PDE4D: variants seen among roughly 807,000 people sequenced by gnomAD.
The protein encoded by PDE4D is phosphodiesterase 4D.
A neutral mutation model predicts 87.4 loss-of-function variants in PDE4D; 24 were observed. The ratio of observed to expected loss-of-function variants is 0.27; its 90% CI spans 0.20 to 0.39. The LOEUF (loss-of-function observed/expected upper bound fraction) is 0.39. Ranked by LOEUF, PDE4D falls within the 10% of genes least tolerant of loss-of-function variation. The pLI, the probability that PDE4D is intolerant of heterozygous loss-of-function variation, is 1.00. For missense variants in PDE4D, 714 were observed against 1,041.0 expected, an observed-to-expected ratio of 0.69 and a Z score of 4.32; for synonymous variants, 384 against 383.2, an observed-to-expected ratio of 1.00 and a Z score of -0.02.
chr5:59,875,753 A>C (rs920552404), intron 1 of PDE4D, among the ~76,000 whole-genome samples: 2 of 152,178 alleles, frequency 1.3e-5, no homozygotes, highest in African/African-American at 4.8e-5. Flanking sequence ...TGAACTTTGG[A>C]GTCATAAAAA....
chr5:59,571,158 G>T (rs912100363), intron 1 of PDE4D, among the ~76,000 whole-genome samples: 2 of 152,134 alleles, frequency 1.3e-5, no homozygotes, highest in African/African-American at 2.4e-5. Context: ...TAGACATAGA[G>T]GTTTTTAAAC....
chr5:60,385,856 C>G (rs1425136915), intron 1 of PDE4D, among the ~76,000 whole-genome samples: 5 of 152,140 alleles, frequency 3.3e-5, no homozygotes, highest in Admixed American at 3.3e-4. Context: ...ATCTCTTTCT[C>G]TCTCAAGAGC....
At chr5:59,762,668 G>A (rs36143327) in intron 1 of PDE4D, among the ~76,000 whole-genome samples, 41,968 of 109,276 alleles carry the variant, frequency 0.38, 10,304 homozygotes, top group African/African-American at 0.43. Context: ...ATATAGGTAC[G>A]TATGTGTATA....
chr5:59,863,465 C>T (rs1416349124), intron 1 of PDE4D, among the ~76,000 whole-genome samples: 1 of 151,990 alleles, frequency 6.6e-6, no homozygotes, highest in Non-Finnish European at 1.5e-5. Context: ...ATCACTACTT[C>T]AAAAATCATG....
chr5:59,111,154 CT>C (rs1410292518), intron 5 of PDE4D, among the ~76,000 whole-genome samples: 2 of 152,190 alleles, frequency 1.3e-5, no homozygotes, highest in African/African-American at 4.8e-5. Context: ...TTCTTGGTGT[CT>C]CATAGAACTT....
intron 1 of PDE4D, among the ~76,000 whole-genome samples, chr5:59,616,945 A>ATATATATATATATATATATATATATC (rs936160133): frequency 1.4e-4 from 19 of 137,272 alleles, no homozygotes; most frequent in East Asian, 6.6e-4. Flanking sequence ...ATATATATAT[A>ATATATATATATATATATATATATATC]TCTCCAAGAT....
At chr5:59,845,319 G>T (rs1332868001) in intron 1 of PDE4D, among the ~76,000 whole-genome samples, 3 of 151,988 alleles carry the variant, frequency 2.0e-5, no homozygotes, top group Non-Finnish European at 4.4e-5. Flanking sequence ...CAGCTTTCAG[G>T]TCTGAGCTGT....
rs150033670 is a variant in PDE4D, at chr5:59,724,479, ATAGG to A, written c.455+168685_455+168688del. ...ACCCAGGTAATGGGCATAGCACATG[ATAGG>A]TAGTTTTTTGAGAAAGATGATTTTC... On this transcript the variant is annotated intron_variant, in intron 1 of 14. Transcript: ENST00000340635. Among the ~76,000 whole-genome samples, 1,053 of 152,202 alleles carry A rather than the reference ATAGG, an allele frequency of 6.9e-3. 9 individuals carry two copies. Among genetic ancestry groups the A allele is most frequent in the Non-Finnish European group, 0.01 (704 of 67,988 alleles).
At chr5:59,991,042 C>T (rs972070220) in intron 2 of PDE4D, among the ~76,000 whole-genome samples, 1 of 152,160 alleles carries the variant, frequency 6.6e-6, no homozygotes, top group African/African-American at 2.4e-5. Flanking sequence ...TAACAGAACA[C>T]ACACTAATTG....
At chr5:59,668,170 A>G (rs991283692) in intron 1 of PDE4D, among the ~76,000 whole-genome samples, 3 of 152,348 alleles carry the variant, frequency 2.0e-5, no homozygotes, top group Middle Eastern at 3.4e-3. Context: ...AATTGGGAGT[A>G]AAGGGAGAAG....
chr5:59,113,506 T>C (rs1773041778), intron 5 of PDE4D, among the ~76,000 whole-genome samples: 1 of 152,254 alleles, frequency 6.6e-6, no homozygotes, highest in Admixed American at 6.5e-5. Context: ...CATTCATTAC[T>C]ACATCTTAGA....
intron 2 of PDE4D, among the ~76,000 whole-genome samples, chr5:60,015,363 T>C (rs181366972): frequency 3.9e-5 from 6 of 152,230 alleles, no homozygotes; most frequent in African/African-American, 1.4e-4. Context: ...TAGGTTGTAG[T>C]TTTCTTCCCC....
At position 58,974,217 on chromosome 5, in the gene PDE4D, T is replaced by A. The variant is rs1743165495; in HGVS notation, c.*447A>T. 1 of 153,024 alleles carries A rather than the reference T, an allele frequency of 6.5e-6. No individual in the cohort carries two copies. Among genetic ancestry groups the A allele is most frequent in the Non-Finnish European group, 1.5e-5 (1 of 68,628 alleles). 9.5% of individuals were successfully genotyped at this position (153,024 alleles called of 1,614,324 possible). A position where few individuals can be genotyped will look rare whatever the true frequency, so the allele number is the denominator to read the frequency against. ...CTGTGGCTCATCCTCCTCCTACTGG[T>A]AACAGATTCGTGCTATGTCCTGTTC... is the stretch of plus-strand genomic sequence containing the variant. On this transcript the variant is annotated 3_prime_UTR_variant, in exon 15 of 15. Coordinates refer to ENST00000340635, the MANE Select transcript of PDE4D (RefSeq NM_001104631.2).
At chr5:59,563,013 G>C (rs755359143) in intron 1 of PDE4D, among the ~76,000 whole-genome samples, 2 of 152,124 alleles carry the variant, frequency 1.3e-5, no homozygotes, top group Admixed American at 6.5e-5. Flanking sequence ...ATATTAAGGT[G>C]CATGTGATTT....
intron 1 of PDE4D, among the ~76,000 whole-genome samples, chr5:59,817,249 A>G (rs567576875): frequency 6.6e-6 from 1 of 152,330 alleles, no homozygotes; most frequent in East Asian, 1.9e-4. Flanking sequence ...TTTAGATCAC[A>G]CACATTTTCC....
rs1491325814 is a variant in PDE4D at position 59,200,657 on chromosome 5, A to ACG, written c.648-7122_648-7121insCG. ...TATGTACAGATACACGTATACATAC[A>ACG]TATGTGTATGTATAGATACACGTAT... is the stretch of plus-strand genomic sequence containing the variant. On this transcript the variant is annotated intron_variant, in intron 2 of 14. Coordinates refer to ENST00000340635, the MANE Select transcript of PDE4D (RefSeq NM_001104631.2). 1.9e-4 allele frequency among the ~76,000 whole-genome samples: 6 copies of ACG among 30,790 alleles called. 2 individuals are homozygous for ACG. Among genetic ancestry groups the ACG allele is most frequent in the African/African-American group, 9.4e-4 (6 of 6,394 alleles). 20.2% of individuals were successfully genotyped at this position (30,790 alleles called of 152,430 possible).
chr5:59,894,094 A>G (rs1751380370), upstream of PDE4D, among the ~76,000 whole-genome samples: 3 of 152,148 alleles, frequency 2.0e-5, no homozygotes, highest in Non-Finnish European at 4.4e-5. Context: ...GGACAGCTCC[A>G]GGCTGGCACG....
chr5:59,165,531 C>T (rs1480645392), intron 5 of PDE4D, among the ~76,000 whole-genome samples: 1 of 152,202 alleles, frequency 6.6e-6, no homozygotes, highest in Non-Finnish European at 1.5e-5. Context: ...CCGCCTCAGC[C>T]TCCCAAAATG....
At chr5:60,239,390 T>A (rs567796505) in intron 1 of PDE4D, among the ~76,000 whole-genome samples, 4 of 152,144 alleles carry the variant, frequency 2.6e-5, no homozygotes, top group Non-Finnish European at 5.9e-5. Context: ...TTCTTCAAAA[T>A]TGTGTTGGTT....
Sources: allele counts gnomAD v4.1 joint callset (sites outside exome capture counted in the v4.1 genomes callset), GRCh38; gene constraint gnomAD v4.1.1; transcripts MANE v1.5; gene names NCBI Gene and HGNC (gene_info 2026-07-23, HGNC 2026-07-21).